Variants in SPINK5 observed in about 807,000 individuals in gnomAD.
SPINK5 encodes the protein serine peptidase inhibitor Kazal type 5, also known as serine protease inhibitor Kazal-type 5.
In SPINK5, 125 loss-of-function variants were observed where a neutral mutation model predicts 151.8. The observed-to-expected ratio is 0.82, with a 90% CI of 0.71 to 0.96. The LOEUF (loss-of-function observed/expected upper bound fraction) is 0.96, where lower values mean the gene tolerates loss of function less well. Ranked by LOEUF, SPINK5 falls within the 40% of genes least tolerant of loss-of-function variation. The pLI, the probability that SPINK5 is intolerant of heterozygous loss-of-function variation, is 0.00. For missense variants in SPINK5, 1,194 were observed against 1,291.9 expected, an observed-to-expected ratio of 0.92 and a Z score of 1.16; for synonymous variants, 374 against 395.3, an observed-to-expected ratio of 0.95 and a Z score of 0.64.
chr5:148,106,973 T>C lies in SPINK5; in HGVS notation c.1480-64T>C, dbSNP rs1410304982. ...TTTACTCTACGTTACATATTCCTCA[T>C]AATAGGAAAAGATGCAGGAAGGATA... On this transcript the variant is annotated intron_variant, in intron 16 of 32. Transcript: ENST00000256084. 4.4e-6 allele frequency: 7 copies of C among 1,595,974 alleles called. No homozygotes were observed. The East Asian group carries it at 1.6e-4, about 36-fold the overall frequency.
intron 8 of SPINK5, among the ~76,000 whole-genome samples, chr5:148,091,614 A>T (rs560308450): frequency 1.3e-5 from 2 of 151,986 alleles, no homozygotes; most frequent in African/African-American, 4.8e-5. Flanking sequence ...TAAATTAAAC[A>T]GGAATAATTT....
At chr5:148,120,464 T>A in intron 26 of SPINK5, 73 bp downstream of exon 26, 2 of 1,510,496 alleles carry the variant, frequency 1.3e-6, no homozygotes, top group Non-Finnish European at 1.8e-6. Flanking sequence ...CAACAAATAT[T>A]TGTGAAATGC....
chr5:148,096,745 T>A (rs906508944), intron 10 of SPINK5, among the ~76,000 whole-genome samples: 6 of 141,574 alleles, frequency 4.2e-5, no homozygotes, highest in African/African-American at 1.7e-4. Flanking sequence ...TCTTTTTCTT[T>A]TCTTTTCTTT....
intron 5 of SPINK5, among the ~76,000 whole-genome samples, chr5:148,086,983 TAC>T (rs945348997): frequency 6.6e-6 from 1 of 150,814 alleles, no homozygotes; most frequent in Non-Finnish European, 1.5e-5. Context: ...CACACATACA[TAC>T]ATATATACAT....
chr5:148,114,090 G>A (rs1754017208), intron 20 of SPINK5, among the ~76,000 whole-genome samples: 1 of 152,182 alleles, frequency 6.6e-6, no homozygotes, highest in Admixed American at 6.5e-5. Context: ...TAAACAAGGA[G>A]TGTGCCCAGT....
In SPINK5 at chr5:148,072,417, CTA is replaced by C. The variant is rs10606874; in HGVS notation, c.282+198_282+199del. Among the ~76,000 whole-genome samples, 2,878 of 152,102 alleles carry C rather than the reference CTA, an allele frequency of 0.019. 104 individuals carry two copies. Among genetic ancestry groups the C allele is most frequent in the African/African-American group, 0.065 (2,700 of 41,518 alleles). On this transcript the variant is annotated intron_variant, in intron 4 of 32. Transcript: ENST00000256084. ...CATAGGCCCAACCCATGATCCGACT[CTA>C]AAAACATTTTAGGCACTGACGGAAA... is the stretch of plus-strand genomic sequence containing the variant.
At chr5:148,071,818 A>G (rs950954760) in intron 3 of SPINK5, among the ~76,000 whole-genome samples, 12 of 152,218 alleles carry the variant, frequency 7.9e-5, no homozygotes, top group Non-Finnish European at 1.6e-4. Context: ...AAGCAGGTTC[A>G]ATGTGAATAT....
intron 26 of SPINK5, among the ~76,000 whole-genome samples, chr5:148,121,378 C>CTA (rs1439973657): frequency 1.2e-4 from 18 of 151,734 alleles, no homozygotes; most frequent in Admixed American, 1.1e-3. Context: ...AAGATTTTTC[C>CTA]TATTAGTAGG....
rs553079774 is a variant in SPINK5, at chr5:148,074,221, ACT to A, written c.282+2008_282+2009del. ...AGTTTCCTCCTACAGACATCCTCTC[ACT>A]CTCTCTTTCATCACTAATTTTCTTT... On this transcript the variant is annotated intron_variant, in intron 4 of 32. Transcript: ENST00000256084. 4.8e-4 allele frequency among the ~76,000 whole-genome samples: 73 copies of A among 151,460 alleles called. 1 individual carries two copies. Among genetic ancestry groups the A allele is most frequent in the Non-Finnish European group, 8.6e-4 (58 of 67,764 alleles).
At chr5:148,111,663 T>G (rs1753931439) in intron 18 of SPINK5, 105 bp from the exon 19 acceptor site, 8 of 1,559,112 alleles carry the variant, frequency 5.1e-6, no homozygotes, top group South Asian at 3.4e-5. Context: ...GCATCACCTT[T>G]TCCATGCAAT....
chr5:148,117,215 GT>G (rs1185477967), intron 22 of SPINK5, among the ~76,000 whole-genome samples: 1 of 152,166 alleles, frequency 6.6e-6, no homozygotes, highest in Non-Finnish European at 1.5e-5. Context: ...TGGCTATTCT[GT>G]TTTTTTCCCA....
At chr5:148,079,771 G>A (rs1003945193) in intron 4 of SPINK5, among the ~76,000 whole-genome samples, 3 of 151,168 alleles carry the variant, frequency 2.0e-5, no homozygotes, top group African/African-American at 2.4e-5. Context: ...GATAAAGAAC[G>A]TCTGTGAAAA....
At chr5:148,077,912 C>G (rs555338408) in intron 4 of SPINK5, among the ~76,000 whole-genome samples, 1 of 150,626 alleles carries the variant, frequency 6.6e-6, no homozygotes, top group East Asian at 2.0e-4. Flanking sequence ...CAAAAAAAGA[C>G]AAAAGCATAT....
intron 30 of SPINK5, among the ~76,000 whole-genome samples, chr5:148,129,363 T>TA (rs1465533816): frequency 1.3e-5 from 2 of 152,208 alleles, no homozygotes; most frequent in Non-Finnish European, 2.9e-5. Flanking sequence ...GCTGGACAGC[T>TA]AGTTAGCTAT....
intron 11 of SPINK5, among the ~76,000 whole-genome samples, chr5:148,098,422 A>T (rs911731414): frequency 3.9e-5 from 6 of 152,170 alleles, no homozygotes; most frequent in Non-Finnish European, 8.8e-5. Context: ...GTATTATTTT[A>T]TGTAATGCAA....
At chr5:148,116,182 C>A (rs376144879) in intron 21 of SPINK5, among the ~76,000 whole-genome samples, 188 bp from the exon 22 acceptor site, 1 of 152,124 alleles carries the variant, frequency 6.6e-6, no homozygotes, top group African/African-American at 2.4e-5. Context: ...TAATGAGACC[C>A]TTCCTGGCAA....
rs768884222 is a variant in SPINK5, at chr5:148,094,361, G to A, written c.674G>A (p.Cys225Tyr). 3.7e-6 allele frequency: 6 copies of A among 1,612,258 alleles called. No homozygotes were observed. The South Asian group carries it at 4.4e-5, about 12-fold the overall frequency. The change falls in exon 9 of 33, where the codon TGC becomes TAC. Residue 225 changes from cysteine (C) to tyrosine (Y), a missense_variant. By Grantham distance (194) the Cys-to-Tyr change is radical (BLOSUM62 -2). Coordinates refer to ENST00000256084, the MANE Select transcript of SPINK5 (RefSeq NM_006846.4). ...ATAATTGTCTTTTCAAAGGATTTTT[G>A]CAAGGAATATGAAAAACAAGTGAGA... ...RIRRNAEKDFCKEYEKQVRNG... is the reference protein window; with the variant it reads ...RIRRNAEKDFYKEYEKQVRNG...
chr5:148,087,000 A>G (rs1379067951), intron 5 of SPINK5, among the ~76,000 whole-genome samples: 1 of 151,280 alleles, frequency 6.6e-6, no homozygotes, highest in Non-Finnish European at 1.5e-5. Flanking sequence ...ATACATATAT[A>G]TACATACACA....
intron 29 of SPINK5, among the ~76,000 whole-genome samples, chr5:148,126,418 A>C (rs1754432377): frequency 6.6e-6 from 1 of 152,116 alleles, no homozygotes; most frequent in African/African-American, 2.4e-5. Context: ...GAATTACCAA[A>C]TACTACTCCC....
Sources: gnomAD v4.1 joint callset for allele counts (sites outside exome capture counted in the v4.1 genomes callset) on GRCh38, gnomAD v4.1.1 for gene constraint, MANE v1.5 for transcripts, NCBI Gene and HGNC (gene_info 2026-07-23, HGNC 2026-07-21) for gene names.